Variants in ROBO2 observed in about 807,000 individuals in gnomAD.
The protein encoded by ROBO2 is roundabout homolog 2.
A neutral mutation model predicts 160.8 loss-of-function variants in ROBO2; 53 were observed. That is an observed-to-expected ratio of 0.33 (90% CI 0.26 to 0.41). The LOEUF (loss-of-function observed/expected upper bound fraction) is 0.41. ROBO2 is among the 10% of genes least tolerant of loss of function. The pLI is 1.00. For synonymous variants in ROBO2, 664 were observed against 611.7 expected (o/e 1.09, Z -1.26); for missense variants, 1,577 against 1,722.4 (o/e 0.92, Z 1.49).
intron 2 of ROBO2, among the ~76,000 whole-genome samples, chr3:77,222,147 G>T (rs1007247266): frequency 6.6e-6 from 1 of 151,924 alleles, no homozygotes; most frequent in African/African-American, 2.4e-5. Flanking sequence ...CACCGTGCCC[G>T]GCCCAATGGA....
chr3:76,408,865 T>G (rs908075331), intron 2 of ROBO2, among the ~76,000 whole-genome samples: 1 of 152,060 alleles, frequency 6.6e-6, no homozygotes, highest in South Asian at 2.1e-4. Context: ...GCTAATTTGC[T>G]AAGTCTGGCC....
intron 2 of ROBO2, among the ~76,000 whole-genome samples, chr3:76,322,841 A>C (rs1480319914): frequency 6.6e-6 from 1 of 152,144 alleles, no homozygotes; most frequent in Admixed American, 6.5e-5. Context: ...TTGCAGATAC[A>C]TTTAAAGGCA....
Position 76,650,048 on chromosome 3 carries a change from C to T in ROBO2, c.110-447966C>T, listed in dbSNP as rs188102159. Among the ~76,000 whole-genome samples, 465 of 152,204 alleles carry T rather than the reference C, an allele frequency of 3.1e-3. 3 individuals carry two copies. The highest frequency in any genetic ancestry group is 0.011 in the South Asian group (54 of 4,828). On this transcript the variant is annotated intron_variant, in intron 2 of 26. Coordinates refer to the ROBO2 transcript ENST00000487694. The stretch of plus-strand genomic sequence containing the variant: ...AACATGCCAACAAACGTATTACCCA[C>T]CATATTTCAACCTTCTCACCCATTC...
intron 2 of ROBO2, among the ~76,000 whole-genome samples, chr3:75,992,383 G>T (rs2065598237): frequency 6.6e-6 from 1 of 152,174 alleles, no homozygotes; most frequent in Admixed American, 6.5e-5. Flanking sequence ...TCAGCCCATT[G>T]CTCCCGAGGG....
At chr3:76,299,548 T>C (rs1225489189) in intron 2 of ROBO2, among the ~76,000 whole-genome samples, 1 of 152,156 alleles carries the variant, frequency 6.6e-6, no homozygotes, top group South Asian at 2.1e-4. Flanking sequence ...AGACTTTTAT[T>C]GTGAGTTCAA....
chr3:76,098,524 T>C (rs986488157), intron 2 of ROBO2, among the ~76,000 whole-genome samples: 2 of 150,778 alleles, frequency 1.3e-5, no homozygotes, highest in African/African-American at 4.9e-5. Flanking sequence ...AGATCTATAC[T>C]ATTAAGATCA....
exon 3 of ROBO2, chr3:77,477,542 C>G (rs771652332): frequency 2.5e-6 from 4 of 1,613,674 alleles, no homozygotes; most frequent in Non-Finnish European, 3.4e-6. Context: ...AGACAAAGTT[C>G]GAATTGATGA....
chr3:76,803,932 A>C (rs2064456476), intron 2 of ROBO2, among the ~76,000 whole-genome samples: 1 of 152,230 alleles, frequency 6.6e-6, no homozygotes, highest in African/African-American at 2.4e-5. Context: ...CTATAGGAAA[A>C]TGATGTGTTC....
At chr3:76,985,215 G>A (rs571768123) in intron 2 of ROBO2, among the ~76,000 whole-genome samples, 1 of 152,068 alleles carries the variant, frequency 6.6e-6, no homozygotes, top group Admixed American at 6.6e-5. Context: ...ATTAAAGTGA[G>A]CTAAAATATA....
At chr3:75,956,448 G>A (rs1359828449) in intron 2 of ROBO2, among the ~76,000 whole-genome samples, 1 of 151,666 alleles carries the variant, frequency 6.6e-6, no homozygotes, top group Non-Finnish European at 1.5e-5. Flanking sequence ...CATTTGAAAT[G>A]AGTTGCTTTG....
At chr3:76,279,780 G>T (rs1708134767) in intron 2 of ROBO2, among the ~76,000 whole-genome samples, 1 of 151,810 alleles carries the variant, frequency 6.6e-6, no homozygotes, top group Non-Finnish European at 1.5e-5. Context: ...TAACATAAAA[G>T]AAATAAGATG....
intron 2 of ROBO2, among the ~76,000 whole-genome samples, chr3:76,136,361 A>G (rs149372047): frequency 6.6e-6 from 1 of 151,924 alleles, no homozygotes; most frequent in Non-Finnish European, 1.5e-5. Flanking sequence ...ATTGACAAAA[A>G]ATGACTTAAA....
rs570353968 is a variant in ROBO2, at chr3:76,221,590, A to G, written c.109+283988A>G. ...TTGGAAACTGCTTCAGAGAATATACAACCTTCTGCAGAATCTTGGCCCAGC... is the reference window on the plus strand; with the variant it reads ...TTGGAAACTGCTTCAGAGAATATACGACCTTCTGCAGAATCTTGGCCCAGC... On this transcript the variant is annotated intron_variant, in intron 2 of 26. Transcript: ENST00000487694. 6.2e-4 allele frequency among the ~76,000 whole-genome samples: 94 copies of G among 152,308 alleles called. 2 individuals carry two copies. The highest frequency in any genetic ancestry group is 6.8e-3 in the Middle Eastern group (2 of 294).
intron 2 of ROBO2, among the ~76,000 whole-genome samples, chr3:77,266,482 T>C (rs941453096): frequency 6.6e-6 from 1 of 152,070 alleles, no homozygotes; most frequent in Non-Finnish European, 1.5e-5. Context: ...ACAGATGAGG[T>C]TAAAGTAGCT....
chr3:76,149,494 A>T (rs893605814), intron 2 of ROBO2, among the ~76,000 whole-genome samples: 4 of 151,960 alleles, frequency 2.6e-5, no homozygotes, highest in Non-Finnish European at 5.9e-5. Context: ...AAAACACATC[A>T]TCTGTCTGAA....
At chr3:77,352,766 G>GTCTT (rs2068534467) in intron 2 of ROBO2, among the ~76,000 whole-genome samples, 1 of 152,154 alleles carries the variant, frequency 6.6e-6, no homozygotes, top group Admixed American at 6.6e-5. Flanking sequence ...TGGGAATGAA[G>GTCTT]TCTTTCTATT....
chr3:77,120,141 G>A (rs539567562), intron 2 of ROBO2, among the ~76,000 whole-genome samples: 5 of 152,268 alleles, frequency 3.3e-5, no homozygotes, highest in South Asian at 2.1e-4. Context: ...CATGATGACC[G>A]ATAATGATTA....
intron 2 of ROBO2, among the ~76,000 whole-genome samples, chr3:76,970,729 C>T (rs1559782148): frequency 6.6e-6 from 1 of 152,148 alleles, no homozygotes; most frequent in Non-Finnish European, 1.5e-5. Flanking sequence ...AATAGCATCT[C>T]ACTAAAATAT....
chr3:76,079,109 A>G (rs1006293819), intron 2 of ROBO2, among the ~76,000 whole-genome samples: 1 of 152,154 alleles, frequency 6.6e-6, no homozygotes, highest in Admixed American at 6.5e-5. Flanking sequence ...AATTGATCTT[A>G]TAGATATAGG....
Sources: gnomAD v4.1 joint callset for allele counts (sites outside exome capture counted in the v4.1 genomes callset) on GRCh38, gnomAD v4.1.1 for gene constraint, MANE v1.5 for transcripts, NCBI Gene and HGNC (gene_info 2026-07-23, HGNC 2026-07-21) for gene names.